The following TSPAN9 variants were observed in gnomAD, a reference collection of about 807,000 sequenced individuals.
The protein encoded by TSPAN9 is tetraspanin 9, also known as tetraspanin-9.
TSPAN9 carries 16 observed loss-of-function variants against 31.0 expected under a neutral mutation model. That is an observed-to-expected ratio of 0.52 (90% CI 0.35 to 0.78). TSPAN9 has a LOEUF of 0.78. TSPAN9 is among the 30% of genes least tolerant of loss of function. The pLI is 0.01. For missense variants in TSPAN9, 272 were observed against 312.5 expected (o/e 0.87, Z 0.98); for synonymous variants, 145 against 121.6 (o/e 1.19, Z -1.27).
At chr12:3,209,939 A>G (rs2098377517) in intron 3 of TSPAN9, among the ~76,000 whole-genome samples, 2 of 133,604 alleles carry the variant, frequency 1.5e-5, no homozygotes, top group African/African-American at 5.6e-5. Flanking sequence ...AGCCTGGGCG[A>G]CAGAGTGAGA....
At chr12:3,241,164 G>C (rs1382028438) in intron 3 of TSPAN9, among the ~76,000 whole-genome samples, 2 of 152,162 alleles carry the variant, frequency 1.3e-5, no homozygotes, top group Non-Finnish European at 2.9e-5. Flanking sequence ...TGCTGTCAAA[G>C]ATTTTATGTG....
At chr12:3,254,414 C>T (rs1037218914) in intron 3 of TSPAN9, among the ~76,000 whole-genome samples, 1 of 152,222 alleles carries the variant, frequency 6.6e-6, no homozygotes, top group South Asian at 2.1e-4. Flanking sequence ...AAAATGGACG[C>T]GAGTGCCCAG....
intron 2 of TSPAN9, among the ~76,000 whole-genome samples, chr12:3,118,337 G>A (rs11062510): frequency 0.19 from 26,023 of 138,698 alleles, 2,619 homozygotes; most frequent in East Asian, 0.33. Flanking sequence ...ATCCTGGCTC[G>A]TGCAACCTCT....
chr12:3,207,549 A>C (rs930564045), intron 3 of TSPAN9, among the ~76,000 whole-genome samples: 2 of 152,120 alleles, frequency 1.3e-5, no homozygotes, highest in African/African-American at 4.8e-5. Context: ...CGACTCTTTA[A>C]CCAGCCATGG....
intron 3 of TSPAN9, among the ~76,000 whole-genome samples, chr12:3,236,834 A>G (rs1591696954): frequency 6.6e-6 from 1 of 152,260 alleles, no homozygotes. Flanking sequence ...CTGCAAGTTC[A>G]TGAAAAGCTC....
chr12:3,108,856 C>G (rs1315836587), intron 2 of TSPAN9, among the ~76,000 whole-genome samples: 2 of 151,624 alleles, frequency 1.3e-5, no homozygotes, highest in East Asian at 3.9e-4. Context: ...TTTATAGCAC[C>G]CTTTTGGTTT....
chr12:3,268,156 G>A (rs575984110), intron 3 of TSPAN9, among the ~76,000 whole-genome samples: 1 of 141,500 alleles, frequency 7.1e-6, no homozygotes, highest in Admixed American at 7.0e-5. Flanking sequence ...CCTGCCCTCC[G>A]TGCATTCCTG....
At position 3,223,872 on chromosome 12, in the gene TSPAN9, A is replaced by G. The variant is rs181794002; in HGVS notation, c.63+22616A>G. ...CCAGTCTTCTCTGTCTGCATGCTGG[A>G]GTCATGTGAGAGATTTATAACAGAA... On this transcript the variant is annotated intron_variant, in intron 3 of 8. Coordinates refer to ENST00000011898, the MANE Select transcript of TSPAN9 (RefSeq NM_006675.5). 3.9e-3 allele frequency among the ~76,000 whole-genome samples: 591 copies of G among 152,226 alleles called. 4 individuals are homozygous for G. Among genetic ancestry groups the G allele is most frequent in the African/African-American group, 0.013 (555 of 41,530 alleles).
chr12:3,280,543 C>A lies in TSPAN9; in HGVS notation c.432+60C>A. 1 of 1,494,478 alleles carries A rather than the reference C, an allele frequency of 6.7e-7. No homozygotes were observed. Among genetic ancestry groups the A allele is most frequent in the South Asian group, 1.2e-5 (1 of 85,810 alleles). 92.6% of individuals were successfully genotyped at this position (1,494,478 alleles called of 1,614,324 possible). ...GGAGGAGGGGTGGCGGCCGGTACTT[C>A]TAGCTGCCTTCCCCGGTGACCTGGC... On this transcript the variant is annotated intron_variant, in intron 6 of 8. Coordinates refer to ENST00000011898, the MANE Select transcript of TSPAN9 (RefSeq NM_006675.5). The surrounding 1 kb of genome is among the most constrained non-coding windows in gnomAD (Gnocchi z 4.5).
At chr12:3,235,006 CA>C (rs557454609) in intron 3 of TSPAN9, among the ~76,000 whole-genome samples, 53 of 130,406 alleles carry the variant, frequency 4.1e-4, no homozygotes, top group Admixed American at 4.6e-4. Flanking sequence ...TAAAAAAATA[CA>C]AAAAAAAAAA....
At chr12:3,224,090 A>AAT (rs397795215) in intron 3 of TSPAN9, among the ~76,000 whole-genome samples, 3 of 147,102 alleles carry the variant, frequency 2.0e-5, no homozygotes, top group Admixed American at 6.7e-5. Flanking sequence ...AAAAAAAAAA[A>AAT]TTTTTTTTCT....
In TSPAN9 at chr12:3,281,775, G is replaced by A; in HGVS notation, c.606G>A (p.Lys202=). The A allele has an allele frequency of 6.2e-7, 1 of 1,614,198 alleles. No individual in the cohort carries two copies. The highest frequency in any genetic ancestry group is 8.5e-7 in the Non-Finnish European group (1 of 1,180,010). ...TGAAGATGTGGTTCGATGACAATAA[G>A]CACGTGCTGGGCACGGTGGGGATGT... ...EKVKMWFDDN[K]HVLGTVGMCI... is the part of the protein sequence containing the mutation. Residue 202 remains lysine (K), a synonymous_variant, in exon 8 of 9, where the codon AAG becomes AAA. Coordinates refer to ENST00000011898, the MANE Select transcript of TSPAN9 (RefSeq NM_006675.5).
intron 7 of TSPAN9, 134 bp from the exon 8 acceptor site, chr12:3,281,600 G>A: frequency 8.6e-7 from 1 of 1,167,764 alleles, no homozygotes; most frequent in Admixed American, 2.3e-5. Context: ...CAAGGGATGG[G>A]GACAGGGCTG....
chr12:3,264,459 C>A (rs992982737), intron 3 of TSPAN9, among the ~76,000 whole-genome samples: 1 of 152,190 alleles, frequency 6.6e-6, no homozygotes, highest in African/African-American at 2.4e-5. Context: ...GCCTGCAAAT[C>A]GGGAAAGCAA....
intron 2 of TSPAN9, among the ~76,000 whole-genome samples, chr12:3,139,663 A>C (rs10848809): frequency 0.81 from 123,420 of 152,042 alleles, 50,241 homozygotes; most frequent in East Asian, 0.92. Flanking sequence ...CTCCCACCTC[A>C]GCCTCCCGAG....
rs989655565 is a variant in TSPAN9, at chr12:3,192,801, G to A, written c.-17-8376G>A. On this transcript the variant is annotated intron_variant, in intron 2 of 8. Transcript: ENST00000011898. This position sits in a 1 kb window ranked among gnomAD's most constrained non-coding sequence, Gnocchi z 4.6. ...CAGAGCTGAGGGCCTCCCTGAGGAG[G>A]AGGAGGAGGGCAGCCAGCATTTCCC... Among the ~76,000 whole-genome samples, 1 of 152,156 alleles carries A rather than the reference G, an allele frequency of 6.6e-6. No individual in the cohort carries two copies. Among genetic ancestry groups the A allele is most frequent in the African/African-American group, 2.4e-5 (1 of 41,432 alleles).
chr12:3,274,573 G>GT (rs1240976657), intron 3 of TSPAN9, among the ~76,000 whole-genome samples: 2 of 152,230 alleles, frequency 1.3e-5, no homozygotes, highest in Non-Finnish European at 2.9e-5. Context: ...CTGGGAGCAG[G>GT]TAGTGAAGGC....
At chr12:3,094,687 C>T (rs1205788929) in intron 2 of TSPAN9, among the ~76,000 whole-genome samples, 2 of 151,760 alleles carry the variant, frequency 1.3e-5, no homozygotes, top group Admixed American at 6.6e-5. Flanking sequence ...AGGTGGCTGC[C>T]ACTACTCCTG....
At chr12:3,178,080 G>A (rs1481664146) in intron 2 of TSPAN9, among the ~76,000 whole-genome samples, 1 of 152,162 alleles carries the variant, frequency 6.6e-6, no homozygotes, top group Non-Finnish European at 1.5e-5. Flanking sequence ...GTATTGATCA[G>A]GGATGGGTAG....
Sources: gnomAD v4.1 joint callset for allele counts (sites outside exome capture counted in the v4.1 genomes callset) on GRCh38, gnomAD v4.1.1 for gene constraint, Gnocchi (gnomAD v3.1) non-coding constraint, MANE v1.5 for transcripts, NCBI Gene and HGNC (gene_info 2026-07-23, HGNC 2026-07-21) for gene names.